INPP4B: variants seen among roughly 807,000 people sequenced by gnomAD.
INPP4B encodes the protein inositol polyphosphate-4-phosphatase type II B, also known as inositol polyphosphate 4-phosphatase type II.
In INPP4B, 55 loss-of-function variants were observed where a neutral mutation model predicts 122.5. The ratio of observed to expected loss-of-function variants is 0.45; its 90% CI spans 0.36 to 0.56. The LOEUF (loss-of-function observed/expected upper bound fraction) is 0.56. Ranked by LOEUF, INPP4B falls within the 20% of genes least tolerant of loss-of-function variation. INPP4B has a pLI of 0.00. For missense variants in INPP4B, 1,000 were observed against 1,097.7 expected (o/e 0.91, Z 1.26); for synonymous variants, 403 against 388.7 (o/e 1.04, Z -0.43).
At chr4:142,194,045 G>C (rs1414183822) in intron 14 of INPP4B, among the ~76,000 whole-genome samples, 1 of 152,008 alleles carries the variant, frequency 6.6e-6, no homozygotes, top group Non-Finnish European at 1.5e-5. Flanking sequence ...TTGACACTTT[G>C]GTTGCTCTTC....
chr4:142,817,741 C>T (rs1361506282), intron 1 of INPP4B, among the ~76,000 whole-genome samples: 1 of 152,158 alleles, frequency 6.6e-6, no homozygotes, highest in African/African-American at 2.4e-5. Context: ...TTTTAAATAA[C>T]AACATTTCTT....
intron 15 of INPP4B, among the ~76,000 whole-genome samples, chr4:142,186,262 A>G (rs1184491813): frequency 6.6e-6 from 1 of 152,256 alleles, no homozygotes; most frequent in African/African-American, 2.4e-5. Flanking sequence ...CTTAGCATAT[A>G]TAAACTCATC....
chr4:142,581,397 T>A (rs866677853), intron 2 of INPP4B, among the ~76,000 whole-genome samples: 6 of 151,946 alleles, frequency 3.9e-5, no homozygotes, highest in African/African-American at 1.4e-4. Flanking sequence ...GTCAAATTAA[T>A]AGGTTATTGA....
intron 11 of INPP4B, among the ~76,000 whole-genome samples, chr4:142,249,652 A>C (rs904180676): frequency 2.6e-5 from 4 of 152,222 alleles, no homozygotes; most frequent in South Asian, 2.1e-4. Flanking sequence ...TGGTCATTTT[A>C]AAATAATTGA....
At chr4:142,824,018 A>G (rs1781117698) in intron 1 of INPP4B, among the ~76,000 whole-genome samples, 1 of 152,156 alleles carries the variant, frequency 6.6e-6, no homozygotes, top group African/African-American at 2.4e-5. Context: ...GGTGAGAGGA[A>G]ATACACAGTC....
chr4:142,129,278 T>C (rs1007694444), intron 18 of INPP4B, among the ~76,000 whole-genome samples: 8 of 152,242 alleles, frequency 5.3e-5, no homozygotes, highest in African/African-American at 1.9e-4. Context: ...ACAGAAATGG[T>C]GACCGGTTCA....
intron 2 of INPP4B, among the ~76,000 whole-genome samples, chr4:142,541,268 G>A (rs1044754820): frequency 2.6e-5 from 4 of 152,116 alleles, no homozygotes; most frequent in Non-Finnish European, 4.4e-5. Context: ...AAGAAACTGA[G>A]GTGTAGAGAA....
At chr4:142,589,313 CAA>C (rs1291442054) in intron 2 of INPP4B, among the ~76,000 whole-genome samples, 1 of 151,928 alleles carries the variant, frequency 6.6e-6, no homozygotes, top group Non-Finnish European at 1.5e-5. Flanking sequence ...TTGTTAAAAT[CAA>C]AAACTTCCTC....
chr4:142,088,545 T>A (rs1418663471), intron 23 of INPP4B, among the ~76,000 whole-genome samples: 1 of 152,182 alleles, frequency 6.6e-6, no homozygotes, highest in African/African-American at 2.4e-5. Context: ...TGCCTGTATG[T>A]TGGCTTCTCT....
At chr4:142,612,675 G>A (rs1742817152) in intron 2 of INPP4B, among the ~76,000 whole-genome samples, 1 of 152,136 alleles carries the variant, frequency 6.6e-6, no homozygotes, top group Non-Finnish European at 1.5e-5. Flanking sequence ...GCCTCACATG[G>A]AGGAAAGGGA....
chr4:142,420,403 G>A (rs1806622315), intron 5 of INPP4B, among the ~76,000 whole-genome samples: 1 of 151,972 alleles, frequency 6.6e-6, no homozygotes, highest in Admixed American at 6.6e-5. Context: ...TATCTGCGGG[G>A]TGCACCAAAT....
At chr4:142,777,886 G>A (rs1774180782) in intron 1 of INPP4B, among the ~76,000 whole-genome samples, 1 of 152,040 alleles carries the variant, frequency 6.6e-6, no homozygotes, top group Non-Finnish European at 1.5e-5. Context: ...CAGCCTACCA[G>A]CAGGATTGGC....
chr4:142,507,323 T>C lies in INPP4B; in HGVS notation c.-190-44597A>G, dbSNP rs781264575. On this transcript the variant is annotated intron_variant, in intron 2 of 25. Coordinates refer to ENST00000262992, the MANE Select transcript of INPP4B (RefSeq NM_001101669.3). ...AAATTGCCATGGAATAAATTGATTG[T>C]TGAAATCAGTCAGAGACTCCAGAAC... is the stretch of plus-strand genomic sequence containing the variant. 6.6e-5 allele frequency among the ~76,000 whole-genome samples: 10 copies of C among 152,144 alleles called. No individual in the cohort carries two copies. The East Asian group carries it at 1.9e-3, about 29-fold the overall frequency.
At chr4:142,419,371 T>C (rs1806398101) in intron 5 of INPP4B, among the ~76,000 whole-genome samples, 2 of 152,090 alleles carry the variant, frequency 1.3e-5, no homozygotes, top group South Asian at 4.1e-4. Context: ...GAAAAGTAAT[T>C]TGCACTGGGA....
intron 2 of INPP4B, among the ~76,000 whole-genome samples, chr4:142,581,076 C>A (rs759942010): frequency 1.3e-5 from 2 of 151,714 alleles, no homozygotes; most frequent in South Asian, 2.1e-4. Context: ...CTTGAAGGGG[C>A]AAAAGAGTGC....
chr4:142,032,539 A>C (rs1055822121), intron 25 of INPP4B, among the ~76,000 whole-genome samples: 1 of 152,232 alleles, frequency 6.6e-6, no homozygotes, highest in African/African-American at 2.4e-5. Flanking sequence ...AATATTGCCA[A>C]TATGTATCTC....
At chr4:142,493,386 C>T (rs2149790720) in intron 2 of INPP4B, among the ~76,000 whole-genome samples, 1 of 152,268 alleles carries the variant, frequency 6.6e-6, no homozygotes, top group East Asian at 1.9e-4. Context: ...GATCCATCAC[C>T]ACCTTGCACT....
At chr4:142,309,707 C>T (rs1306448944) in intron 8 of INPP4B, among the ~76,000 whole-genome samples, 1 of 152,200 alleles carries the variant, frequency 6.6e-6, no homozygotes, top group Non-Finnish European at 1.5e-5. Context: ...GCACGACATG[C>T]AGCTCTAGCC....
intron 18 of INPP4B, among the ~76,000 whole-genome samples, chr4:142,129,322 T>G (rs1800127256): frequency 6.6e-6 from 1 of 152,180 alleles, no homozygotes. Flanking sequence ...GCTTATAAAA[T>G]TTTTGTTGAT....
Sources: allele counts gnomAD v4.1 joint callset (sites outside exome capture counted in the v4.1 genomes callset), GRCh38; gene constraint gnomAD v4.1.1; transcripts MANE v1.5; gene names NCBI Gene and HGNC (gene_info 2026-07-23, HGNC 2026-07-21).